The following ZFYVE16 variants were observed in gnomAD, a reference collection of about 807,000 sequenced individuals.
ZFYVE16 encodes the protein zinc finger FYVE domain-containing protein 16.
ZFYVE16 carries 89 observed loss-of-function variants against 138.1 expected under a neutral mutation model. The observed-to-expected ratio is 0.64, with a 90% CI of 0.54 to 0.77. The LOEUF (loss-of-function observed/expected upper bound fraction) is 0.77. Among genes scored for constraint, ZFYVE16 ranks in the 30% least tolerant of loss-of-function variants. The pLI is 0.00. For missense variants in ZFYVE16, 1,793 were observed against 1,786.7 expected (o/e 1.00, Z -0.06); for synonymous variants, 596 against 618.3 (o/e 0.96, Z 0.53).
chr5:80,411,346 A>G (rs1745431636), intron 1 of ZFYVE16, among the ~76,000 whole-genome samples: 1 of 152,140 alleles, frequency 6.6e-6, no homozygotes, highest in African/African-American at 2.4e-5. Context: ...TGAAAGGCTT[A>G]CATAATCCCA....
chr5:80,414,185 ATTCT>A lies in ZFYVE16; in HGVS notation c.-94+6035_-94+6038del, dbSNP rs1401742799. Among the ~76,000 whole-genome samples, 7 of 151,932 alleles carry A rather than the reference ATTCT, an allele frequency of 4.6e-5. No homozygotes were observed. The East Asian group carries it at 1.4e-3, about 29-fold the overall frequency. ...TATATCTTTTTAATGTGTCTTTTGT[ATTCT>A]TTATTTGATCTATTAATCTCTTGAA... On this transcript the variant is annotated intron_variant, in intron 1 of 18. Coordinates refer to ENST00000505560, the MANE Select transcript of ZFYVE16 (RefSeq NM_001284236.3).
At chr5:80,460,684 A>G (rs998898196) in intron 15 of ZFYVE16, among the ~76,000 whole-genome samples, 3 of 152,156 alleles carry the variant, frequency 2.0e-5, no homozygotes, top group Non-Finnish European at 2.9e-5. Flanking sequence ...TGTTAATGCT[A>G]TCTCTGTCAC....
At chr5:80,463,695 C>T (rs1003433651) in intron 15 of ZFYVE16, among the ~76,000 whole-genome samples, 5 of 152,188 alleles carry the variant, frequency 3.3e-5, no homozygotes, top group African/African-American at 9.7e-5. Context: ...TTATGCTCTG[C>T]TTCCCTTTTA....
intron 1 of ZFYVE16, among the ~76,000 whole-genome samples, chr5:80,420,532 G>A (rs1331252041): frequency 2.6e-5 from 4 of 152,098 alleles, no homozygotes; most frequent in Non-Finnish European, 5.9e-5. Flanking sequence ...ACCTATGAGT[G>A]AGAACATGCA....
chr5:80,418,073 T>G (rs1028266476), intron 1 of ZFYVE16, among the ~76,000 whole-genome samples: 1 of 152,200 alleles, frequency 6.6e-6, no homozygotes, highest in Non-Finnish European at 1.5e-5. Context: ...TTATTTTCCA[T>G]CCTTATATCT....
At position 80,437,551 on chromosome 5, in the gene ZFYVE16, C is replaced by T. The variant is rs770361665; in HGVS notation, c.866C>T (p.Ala289Val). The T allele has an allele frequency of 6.2e-7, 1 of 1,613,998 alleles. No individual in the cohort carries two copies. Among genetic ancestry groups the T allele is most frequent in the South Asian group, 1.1e-5 (1 of 91,070 alleles). ...KEEVDVAVIT[A>V]AECLKEEGKT... Reference sequence around the variant, plus strand: ...GAAGTAGATGTGGCAGTCATAACTGCCGCAGAATGTTTAAAAGAAGAGGGC... The same window carrying T: ...GAAGTAGATGTGGCAGTCATAACTGTCGCAGAATGTTTAAAAGAAGAGGGC... The change falls in exon 4 of 19, where the codon GCC becomes GTC. Residue 289 changes from alanine to valine, a missense_variant. Coordinates refer to ENST00000505560, the MANE Select transcript of ZFYVE16 (RefSeq NM_001284236.3).
At position 80,447,098 on chromosome 5, in the gene ZFYVE16, T is replaced by TAAA. The variant is rs1330683852; in HGVS notation, c.2725-922_2725-920dup. 2.0e-5 allele frequency among the ~76,000 whole-genome samples: 3 copies of TAAA among 151,124 alleles called. No individual in the cohort carries two copies. The East Asian group carries it at 5.8e-4, about 29-fold the overall frequency. On this transcript the variant is annotated intron_variant, in intron 7 of 18. Transcript: ENST00000505560. ...CAACATGGCAAAACCCCGTCTCTAC[T>TAAA]AAAAAAAATACAAAAATTAGCCAGG...
intron 18 of ZFYVE16, among the ~76,000 whole-genome samples, 161 bp downstream of exon 18, chr5:80,474,991 A>AG (rs1342828327): frequency 3.3e-5 from 5 of 152,248 alleles, no homozygotes; most frequent in African/African-American, 1.2e-4. Flanking sequence ...TCTCCACAAC[A>AG]GGGGTCAGCA....
At chr5:80,453,971 AC>A (rs1752247584) in intron 11 of ZFYVE16, 1 of 152,200 alleles carries the variant, frequency 6.6e-6, no homozygotes, top group Non-Finnish European at 1.5e-5. Context: ...AGTGTTTTAA[AC>A]AAAACTACCT....
chr5:80,417,483 C>T (rs1272911538), intron 1 of ZFYVE16, among the ~76,000 whole-genome samples: 1 of 152,194 alleles, frequency 6.6e-6, no homozygotes, highest in Non-Finnish European at 1.5e-5. Context: ...GTCTGTGCTT[C>T]ACATATCCAA....
At chr5:80,410,549 T>C (rs1289353497) in intron 1 of ZFYVE16, among the ~76,000 whole-genome samples, 1 of 152,182 alleles carries the variant, frequency 6.6e-6, no homozygotes, top group African/African-American at 2.4e-5. Flanking sequence ...TTCTTAAATA[T>C]ATTGTAAGGA....
chr5:80,423,636 C>T lies in ZFYVE16; in HGVS notation c.-93-3856C>T, dbSNP rs550361249. The stretch of plus-strand genomic sequence containing the variant: ...CTGCAAGCTCCACCTCCCAGGTTCA[C>T]GCCATTCTCCTGCCTCAGCCTCCCA... On this transcript the variant is annotated intron_variant, in intron 1 of 18. Coordinates refer to ENST00000505560, the MANE Select transcript of ZFYVE16 (RefSeq NM_001284236.3). Among the ~76,000 whole-genome samples the T allele has an allele frequency of 7.0e-4, 106 of 151,694 alleles. 1 individual carries two copies. The highest frequency in any genetic ancestry group is 8.0e-4 in the African/African-American group (33 of 41,344).
intron 14 of ZFYVE16, among the ~76,000 whole-genome samples, chr5:80,459,030 C>T (rs182163423): frequency 6.6e-6 from 1 of 152,310 alleles, no homozygotes; most frequent in African/African-American, 2.4e-5. Flanking sequence ...TCCTGAGTTC[C>T]AGCAATTCTG....
chr5:80,482,375 CAG>C lies in ZFYVE16; in HGVS notation c.*5002_*5003del, dbSNP rs535665375. ...AGCAGAAATTATCTAGTCTGAATGACAGAGAAAAAAGTGAAAAAAATGAGAAG... is the reference window on the plus strand; with the variant it reads ...AGCAGAAATTATCTAGTCTGAATGACAGAAAAAAGTGAAAAAAATGAGAAG... On this transcript the variant is annotated 3_prime_UTR_variant, in exon 19 of 19. Coordinates refer to ENST00000505560, the MANE Select transcript of ZFYVE16 (RefSeq NM_001284236.3). The C allele has an allele frequency of 2.3e-4, 35 of 151,312 alleles. No individual in the cohort carries two copies. The highest frequency in any genetic ancestry group is 2.3e-3 in the Admixed American group (35 of 15,186). 9.4% of individuals were successfully genotyped at this position (151,312 alleles called of 1,614,324 possible).
At chr5:80,428,978 A>G (rs903115826) in intron 2 of ZFYVE16, among the ~76,000 whole-genome samples, 7 of 152,212 alleles carry the variant, frequency 4.6e-5, no homozygotes, top group Admixed American at 1.3e-4. Context: ...ATCTACGTCT[A>G]ATTGGTGTAC....
intron 5 of ZFYVE16, chr5:80,441,314 T>C (rs1750686674): frequency 4.1e-6 from 4 of 985,442 alleles, no homozygotes; most frequent in East Asian, 1.1e-4. Context: ...GGAGAAGATA[T>C]GATCATTAAA....
intron 14 of ZFYVE16, among the ~76,000 whole-genome samples, chr5:80,457,601 TA>T: frequency 6.6e-6 from 1 of 152,196 alleles, no homozygotes; most frequent in East Asian, 1.9e-4. Context: ...AAGCATTTCA[TA>T]AAATTAATAT....
At chr5:80,447,907 C>A (rs143657508) in intron 7 of ZFYVE16, 119 bp from the exon 8 acceptor site, 3 of 847,942 alleles carry the variant, frequency 3.5e-6, no homozygotes, top group Non-Finnish European at 5.0e-6. Context: ...AATTTCTGAA[C>A]GCATTTTGGT....
chr5:80,449,745 T>G (rs1751785819), intron 9 of ZFYVE16, 32 bp downstream of exon 9: 16 of 1,554,034 alleles, frequency 1.0e-5, no homozygotes, highest in Non-Finnish European at 1.4e-5. Context: ...TTTGCTTAAT[T>G]GGTAAGCAGG....
Sources: gnomAD v4.1 joint callset for allele counts (sites outside exome capture counted in the v4.1 genomes callset) on GRCh38, gnomAD v4.1.1 for gene constraint, MANE v1.5 for transcripts, NCBI Gene and HGNC (gene_info 2026-07-23, HGNC 2026-07-21) for gene names.